The following TFB1M variants were observed in gnomAD, a reference collection of about 807,000 sequenced individuals.
TFB1M encodes dimethyladenosine transferase 1, mitochondrial.
Under a neutral mutation model 31.1 loss-of-function variants are expected in TFB1M, and 27 were observed. The ratio of observed to expected loss-of-function variants is 0.87; its 90% CI spans 0.64 to 1.20. The LOEUF is 1.20. Ranked by LOEUF, TFB1M falls within the 50% of genes most tolerant of loss-of-function variation. The probability of loss-of-function intolerance (pLI) is 0.00; values close to 1 mark genes in which losing one functional copy is unlikely to be tolerated. For missense variants in TFB1M, 394 were observed against 418.7 expected, an observed-to-expected ratio of 0.94 and a Z score of 0.51; for synonymous variants, 166 against 151.8, an observed-to-expected ratio of 1.09 and a Z score of -0.69.
rs775960837 is a variant in TFB1M at position 155,297,041 on chromosome 6, T to C, written c.458A>G (p.Lys153Arg). The C allele has an allele frequency of 3.1e-6, 5 of 1,613,880 alleles. No individual in the cohort carries two copies. The South Asian group carries it at 3.3e-5, about 11-fold the overall frequency. Residue 153 changes from lysine to arginine, a missense_variant, in exon 4 of 7, where the codon AAG becomes AGG. Lys to Arg is a conservative substitution (Grantham distance 26). This residue lies in a region of TFB1M where 273 missense variants were observed against 256.4 expected (regional missense o/e 1.06). Transcript: ENST00000367166. ...PFSVSTPLIIKWLENISCRDG... is the reference protein window; with the variant it reads ...PFSVSTPLIIRWLENISCRDG... ...TCTACAGGAAATATTTTCAAGCCAC[T>C]TGATAATCAGTGGAGTTGAAACACT... is the stretch of plus-strand genomic sequence containing the variant.
At chr6:155,304,479 T>C (rs774370694) in intron 2 of TFB1M, among the ~76,000 whole-genome samples, 6 of 151,660 alleles carry the variant, frequency 4.0e-5, no homozygotes, top group South Asian at 4.2e-4. Context: ...ACAGAGAAAA[T>C]AGATGAAACA....
rs769194007 is a variant in TFB1M at position 155,256,968 on chromosome 6, G to C, written c.*868C>G. ...AGAGGGACAGAGGAACTTTGCTCAA[G>C]GCGCAGATCCGTCACCAGTCCCTTG... On this transcript the variant is annotated 3_prime_UTR_variant, in exon 7 of 7. Coordinates refer to ENST00000367166, the MANE Select transcript of TFB1M (RefSeq NM_016020.4). The C allele has an allele frequency of 6.2e-7, 1 of 1,614,018 alleles. No homozygotes were observed.
chr6:155,275,744 C>T (rs1397554127), intron 5 of TFB1M: 1 of 1,614,014 alleles, frequency 6.2e-7, no homozygotes, highest in Admixed American at 1.7e-5. Context: ...ACTCCAGCTC[C>T]TTGCTTTCAT....
intron 5 of TFB1M, among the ~76,000 whole-genome samples, chr6:155,269,286 T>C (rs1407554371): frequency 5.9e-5 from 9 of 151,634 alleles, no homozygotes; most frequent in Admixed American, 5.2e-4. Flanking sequence ...TAGTCAAAAG[T>C]TACTTCTCTG....
chr6:155,253,938 G>A (rs778647109), downstream of TFB1M: 20 of 1,577,506 alleles, frequency 1.3e-5, no homozygotes, highest in South Asian at 2.2e-4. Flanking sequence ...TTTGGGCAAA[G>A]TTGTAGACTC....
rs753752823 is a variant in TFB1M at position 155,280,419 on chromosome 6, C to T, written c.666+4739G>A. Among the ~76,000 whole-genome samples, 20 of 152,182 alleles carry T rather than the reference C, an allele frequency of 1.3e-4. 1 individual carries two copies. Among genetic ancestry groups the T allele is most frequent in the Admixed American group, 3.3e-4 (5 of 15,284 alleles). On this transcript the variant is annotated intron_variant, in intron 5 of 6. Transcript: ENST00000367166. ...GTCCCTTGCCTCAAGGGAACACAGA[C>T]GCGTGGGGCAATTTGTGCTACACAG... is the stretch of plus-strand genomic sequence containing the variant.
At chr6:155,254,989 G>T (rs989905369), downstream of TFB1M, 1 of 158,810 alleles carries the variant, frequency 6.3e-6, no homozygotes, top group Non-Finnish European at 1.4e-5. Context: ...CGACTTTACC[G>T]TGGTGTGAAA....
chr6:155,238,597 A>G, the TFB1M span, among the ~76,000 whole-genome samples: 9 of 152,142 alleles, frequency 5.9e-5, no homozygotes, highest in Non-Finnish European at 1.2e-4. Context: ...TTCCCACTGC[A>G]CCTTTGGCAC....
At chr6:155,258,812 A>G (rs1329421785) in intron 6 of TFB1M, among the ~76,000 whole-genome samples, 2 of 152,194 alleles carry the variant, frequency 1.3e-5, no homozygotes, top group Non-Finnish European at 2.9e-5. Context: ...TTATAGGCTG[A>G]TGGTCCTTTC....
chr6:155,242,809 C>T, the TFB1M span, among the ~76,000 whole-genome samples: 1 of 152,148 alleles, frequency 6.6e-6, no homozygotes, highest in African/African-American at 2.4e-5. Flanking sequence ...GATCTTGGCT[C>T]ACTGCAACCT....
At chr6:155,245,769 T>TTTGCA in the TFB1M span, 3 of 1,440,496 alleles carry the variant, frequency 2.1e-6, no homozygotes, top group Non-Finnish European at 2.8e-6. Flanking sequence ...TTTTTTTTTT[T>TTTGCA]TGCATTTTTA....
chr6:155,306,966 C>G (rs1404946256), intron 2 of TFB1M, among the ~76,000 whole-genome samples: 1 of 152,020 alleles, frequency 6.6e-6, no homozygotes, highest in East Asian at 1.9e-4. Flanking sequence ...CAAAAAAATA[C>G]AAAACTCAGC....
intron 5 of TFB1M, chr6:155,275,730 C>T (rs112008767): frequency 6.2e-7 from 1 of 1,612,696 alleles, no homozygotes; most frequent in Non-Finnish European, 8.5e-7. Context: ...ATGGCCTCAG[C>T]AGGACTCCAG....
chr6:155,253,022 C>T (rs149596303), downstream of TFB1M: 33 of 1,614,206 alleles, frequency 2.0e-5, 1 homozygote, highest in Admixed American at 6.7e-5. Context: ...TCCCCATCTC[C>T]GCGCTTCAAG....
intron 5 of TFB1M, chr6:155,275,712 G>T: frequency 6.2e-7 from 1 of 1,607,814 alleles, no homozygotes; most frequent in Non-Finnish European, 8.5e-7. Context: ...AGACTTAACA[G>T]TAACATCATG....
the TFB1M span, among the ~76,000 whole-genome samples, chr6:155,245,417 C>T: frequency 5.9e-5 from 9 of 152,182 alleles, no homozygotes; most frequent in Admixed American, 2.6e-4. Context: ...TAGGCTCTGC[C>T]GCTGGAAACT....
chr6:155,256,891 A>C lies in TFB1M; in HGVS notation c.*945T>G, dbSNP rs190860789. On this transcript the variant is annotated 3_prime_UTR_variant, in exon 7 of 7. Coordinates refer to ENST00000367166, the MANE Select transcript of TFB1M (RefSeq NM_016020.4). Reference sequence around the variant, plus strand: ...GGGTCAGAAAGGAGGAGAGCAGCCCAAACTGGTCCGGGGGCACTTCTGCCC... The same window carrying C: ...GGGTCAGAAAGGAGGAGAGCAGCCCCAACTGGTCCGGGGGCACTTCTGCCC... 68 of 1,614,264 alleles carry C rather than the reference A, an allele frequency of 4.2e-5. No homozygotes were observed. Among genetic ancestry groups the C allele is most frequent in the Admixed American group, 3.7e-4 (22 of 60,034 alleles).
chr6:155,291,968 G>A (rs1189439025), intron 4 of TFB1M, among the ~76,000 whole-genome samples: 1 of 152,210 alleles, frequency 6.6e-6, no homozygotes, highest in African/African-American at 2.4e-5. Context: ...GCATTAAAAA[G>A]TTTTGTTCTG....
At chr6:155,272,969 A>G (rs1290288778) in intron 5 of TFB1M, among the ~76,000 whole-genome samples, 2 of 152,242 alleles carry the variant, frequency 1.3e-5, no homozygotes, top group Non-Finnish European at 2.9e-5. Context: ...TATTCAGTCA[A>G]AGTAGAAAGA....
Sources: gnomAD v4.1 joint callset for allele counts (sites outside exome capture counted in the v4.1 genomes callset) on GRCh38, gnomAD v4.1.1 for gene constraint, gnomAD v4.1.1 regional missense constraint, MANE v1.5 for transcripts, NCBI Gene and HGNC (gene_info 2026-07-23, HGNC 2026-07-21) for gene names.